Variants in PDE1A observed in about 807,000 individuals in gnomAD.
The protein encoded by PDE1A is dual specificity calcium/calmodulin-dependent 3',5'-cyclic nucleotide phosphodiesterase 1A.
PDE1A carries 35 observed loss-of-function variants against 61.7 expected under a neutral mutation model. The observed-to-expected ratio is 0.57, with a 90% CI of 0.43 to 0.75. PDE1A has a LOEUF of 0.75. PDE1A is among the 30% of genes least tolerant of loss of function. PDE1A has a pLI of 0.00. For missense variants in PDE1A, 597 were observed against 630.6 expected (o/e 0.95, Z 0.57); for synonymous variants, 232 against 213.2 (o/e 1.09, Z -0.77).
chr2:182,679,525 C>T, the PDE1A span, among the ~76,000 whole-genome samples: 2 of 151,890 alleles, frequency 1.3e-5, no homozygotes, highest in South Asian at 4.2e-4. Context: ...TTGATCATTA[C>T]GCATTGTATA....
chr2:182,551,301 A>G, the PDE1A span, among the ~76,000 whole-genome samples: 1 of 152,166 alleles, frequency 6.6e-6, no homozygotes. Flanking sequence ...TGAGAGGCCA[A>G]TTATTGGAGG....
chr2:182,462,505 G>A (rs369099077), intron 2 of PDE1A, among the ~76,000 whole-genome samples: 13 of 151,974 alleles, frequency 8.6e-5, no homozygotes, highest in African/African-American at 1.9e-4. Context: ...GGACAGCCAC[G>A]TTTAGGCTAA....
chr2:182,423,041 C>T (rs752137910), intron 1 of PDE1A, among the ~76,000 whole-genome samples: 2 of 152,140 alleles, frequency 1.3e-5, no homozygotes, highest in Admixed American at 6.5e-5. Context: ...AGAATCACAG[C>T]GTGCCCAAAA....
At chr2:182,343,784 C>A (rs1019992782) in intron 1 of PDE1A, among the ~76,000 whole-genome samples, 3 of 151,984 alleles carry the variant, frequency 2.0e-5, no homozygotes, top group Non-Finnish European at 4.4e-5. Flanking sequence ...ATCCAAAGAC[C>A]ATCGACCATA....
At position 182,367,134 on chromosome 2, in the gene PDE1A, GA is replaced by G. The variant is rs543981316; in HGVS notation, c.53+59443del. Among the ~76,000 whole-genome samples the G allele has an allele frequency of 2.4e-3, 355 of 149,242 alleles. 2 individuals are homozygous for G. Among genetic ancestry groups the G allele is most frequent in the African/African-American group, 8.2e-3 (336 of 40,800 alleles). The stretch of plus-strand genomic sequence containing the variant: ...AATGGTTTATAAAATTTTCAAGTTA[GA>G]AAAAAAAACAAGCTTGCTTTTGTTG... On this transcript the variant is annotated intron_variant, in intron 1 of 13. Transcript: ENST00000351439.
At chr2:182,444,894 T>C (rs1685033551) in intron 2 of PDE1A, among the ~76,000 whole-genome samples, 1 of 152,016 alleles carries the variant, frequency 6.6e-6, no homozygotes, top group Non-Finnish European at 1.5e-5. Context: ...TCAAAAAGAG[T>C]GGAAAAGATA....
At chr2:182,567,217 A>G in the PDE1A span, among the ~76,000 whole-genome samples, 1 of 152,218 alleles carries the variant, frequency 6.6e-6, no homozygotes, top group Admixed American at 6.5e-5. Flanking sequence ...AATCAGCAAG[A>G]AAACTACCTG....
At chr2:182,672,515 AAG>A in the PDE1A span, among the ~76,000 whole-genome samples, 1 of 152,236 alleles carries the variant, frequency 6.6e-6, no homozygotes, top group Non-Finnish European at 1.5e-5. Flanking sequence ...ATATAACAAA[AAG>A]AGAATTTATA....
intron 2 of PDE1A, among the ~76,000 whole-genome samples, chr2:182,243,251 A>G (rs912587564): frequency 5.3e-5 from 8 of 152,186 alleles, no homozygotes; most frequent in African/African-American, 1.9e-4. Context: ...ATCAGGTAGA[A>G]CTTATATTTT....
intron 2 of PDE1A, among the ~76,000 whole-genome samples, chr2:182,461,658 C>T (rs1020858896): frequency 1.3e-5 from 2 of 152,120 alleles, no homozygotes; most frequent in Admixed American, 6.6e-5. Flanking sequence ...AGAAATAGAC[C>T]TCAACCTGAC....
At chr2:182,208,350 GGA>G (rs1027845672) in intron 7 of PDE1A, among the ~76,000 whole-genome samples, 1 of 152,106 alleles carries the variant, frequency 6.6e-6, no homozygotes, top group Non-Finnish European at 1.5e-5. Flanking sequence ...AATGGCAGCA[GGA>G]GAGAGAGAGT....
At chr2:182,452,457 A>T (rs1299001019) in intron 2 of PDE1A, among the ~76,000 whole-genome samples, 1 of 152,090 alleles carries the variant, frequency 6.6e-6, no homozygotes, top group African/African-American at 2.4e-5. Flanking sequence ...ACAAAGATTA[A>T]ATTCCTGTCT....
the PDE1A span, among the ~76,000 whole-genome samples, chr2:182,633,334 T>A: frequency 6.6e-6 from 1 of 152,242 alleles, no homozygotes; most frequent in Non-Finnish European, 1.5e-5. Context: ...CCCTGTTGCA[T>A]TCTGCTCCAG....
In PDE1A at chr2:182,219,716, C is replaced by A. The variant is rs554966284; in HGVS notation, c.776+4148G>T. 5.0e-4 allele frequency among the ~76,000 whole-genome samples: 76 copies of A among 152,134 alleles called. No individual in the cohort carries two copies. The South Asian group carries it at 0.011, about 22-fold the overall frequency. ...GGGTAAAGTCCTAGTTATAACCTAG[C>A]ACTGGCCCTGCCACTGAATATTTAT... On this transcript the variant is annotated intron_variant, in intron 7 of 13. Coordinates refer to ENST00000351439, the Ensembl canonical transcript of PDE1A.
At chr2:182,181,594 G>A (rs1390163360) in intron 13 of PDE1A, among the ~76,000 whole-genome samples, 1 of 152,226 alleles carries the variant, frequency 6.6e-6, no homozygotes, top group Non-Finnish European at 1.5e-5. Flanking sequence ...TCTGCTGGGA[G>A]AGTCCCCCTT....
At chr2:182,671,023 G>A in the PDE1A span, among the ~76,000 whole-genome samples, 3 of 152,030 alleles carry the variant, frequency 2.0e-5, no homozygotes, top group East Asian at 5.8e-4. Context: ...TCACGATGTT[G>A]GCCAGGTTGG....
intron 2 of PDE1A, among the ~76,000 whole-genome samples, chr2:182,432,492 C>T (rs1704006068): frequency 6.6e-6 from 1 of 151,928 alleles, no homozygotes; most frequent in Non-Finnish European, 1.5e-5. Flanking sequence ...AGGAACTACC[C>T]TCACTAAGCT....
At chr2:182,647,502 T>C in the PDE1A span, among the ~76,000 whole-genome samples, 1 of 152,302 alleles carries the variant, frequency 6.6e-6, no homozygotes, top group East Asian at 1.9e-4. Context: ...TGGAATTCAA[T>C]TTAAGGGTTA....
the PDE1A span, among the ~76,000 whole-genome samples, chr2:182,678,243 C>CA: frequency 6.6e-6 from 1 of 152,020 alleles, no homozygotes; most frequent in Non-Finnish European, 1.5e-5. Context: ...GCCAACATGG[C>CA]AAAACCCTGT....
Sources: gnomAD v4.1 joint callset for allele counts (sites outside exome capture counted in the v4.1 genomes callset) on GRCh38, gnomAD v4.1.1 for gene constraint, MANE v1.5 for transcripts, NCBI Gene and HGNC (gene_info 2026-07-23, HGNC 2026-07-21) for gene names.